CACNA2D3: variants seen among roughly 807,000 people sequenced by gnomAD.
The protein encoded by CACNA2D3 is voltage-dependent calcium channel subunit alpha-2/delta-3.
In CACNA2D3, 60 loss-of-function variants were observed where a neutral mutation model predicts 160.6. The ratio of observed to expected loss-of-function variants is 0.37; its 90% CI spans 0.30 to 0.46. CACNA2D3 has a LOEUF of 0.46. Among genes scored for constraint, CACNA2D3 ranks in the 20% least tolerant of loss-of-function variants. CACNA2D3 has a pLI of 1.00. For synonymous variants in CACNA2D3, 558 were observed against 492.9 expected, an observed-to-expected ratio of 1.13 and a Z score of -1.75; for missense variants, 1,205 against 1,365.0, an observed-to-expected ratio of 0.88 and a Z score of 1.85.
chr3:54,465,903 A>C (rs1700615295), intron 4 of CACNA2D3, among the ~76,000 whole-genome samples: 1 of 152,296 alleles, frequency 6.6e-6, no homozygotes, highest in South Asian at 2.1e-4. Context: ...AGATCTGGAA[A>C]GATTGACTTC....
In CACNA2D3 at chr3:55,018,332, C is replaced by G. The variant is rs746607215; in HGVS notation, c.2987+15C>G. On this transcript the variant is annotated intron_variant, in intron 35 of 37. Transcript: ENST00000474759. ...GACTGCTCCAAGTAAGCCATCCCCCCACCCTCTAACCCCCTACACCTTTCT... is the reference window on the plus strand; with the variant it reads ...GACTGCTCCAAGTAAGCCATCCCCCGACCCTCTAACCCCCTACACCTTTCT... 13 of 1,487,534 alleles carry G rather than the reference C, an allele frequency of 8.7e-6. No homozygotes were observed. Among genetic ancestry groups the G allele is most frequent in the African/African-American group, 2.8e-5 (2 of 72,576 alleles). The allele number at this position is 1,487,534 out of a possible 1,614,324, so 92.1% of individuals were successfully genotyped here.
At chr3:54,694,382 A>G (rs944734121) in intron 11 of CACNA2D3, among the ~76,000 whole-genome samples, 1 of 152,350 alleles carries the variant, frequency 6.6e-6, no homozygotes, top group Non-Finnish European at 1.5e-5. Context: ...CAACAACCAA[A>G]TCTTGTAATA....
At chr3:54,232,690 C>T (rs1381709444) in intron 2 of CACNA2D3, among the ~76,000 whole-genome samples, 3 of 152,100 alleles carry the variant, frequency 2.0e-5, no homozygotes, top group African/African-American at 7.2e-5. Context: ...TAAGTCTTTC[C>T]CTAATATTGG....
chr3:54,555,285 G>C (rs1702225876), intron 5 of CACNA2D3, among the ~76,000 whole-genome samples: 1 of 152,104 alleles, frequency 6.6e-6, no homozygotes, highest in African/African-American at 2.4e-5. Context: ...CCATTAATTT[G>C]CTTGGATCTA....
At chr3:54,599,577 C>T (rs765141424) in intron 9 of CACNA2D3, among the ~76,000 whole-genome samples, 3 of 151,780 alleles carry the variant, frequency 2.0e-5, no homozygotes, top group Admixed American at 6.6e-5. Context: ...CGGTGCTTCA[C>T]GTAAATAAAT....
chr3:54,508,741 C>T (rs1441379053), intron 5 of CACNA2D3, among the ~76,000 whole-genome samples: 1 of 152,146 alleles, frequency 6.6e-6, no homozygotes, highest in African/African-American at 2.4e-5. Flanking sequence ...CGCTTTCATC[C>T]TCTAGACTTC....
chr3:54,880,014 G>A (rs972541799), intron 20 of CACNA2D3, among the ~76,000 whole-genome samples: 1 of 152,184 alleles, frequency 6.6e-6, no homozygotes, highest in Non-Finnish European at 1.5e-5. Flanking sequence ...ATTTCAGTAA[G>A]CCTGCTTCAT....
At chr3:55,045,299 C>G (rs1456323208) in intron 35 of CACNA2D3, among the ~76,000 whole-genome samples, 3 of 152,196 alleles carry the variant, frequency 2.0e-5, no homozygotes, top group Non-Finnish European at 2.9e-5. Flanking sequence ...ATCCACCCAC[C>G]TCGGCCTCCC....
chr3:54,386,370 C>T (rs1271666281), intron 3 of CACNA2D3, among the ~76,000 whole-genome samples: 3 of 152,138 alleles, frequency 2.0e-5, no homozygotes, highest in South Asian at 2.1e-4. Flanking sequence ...TGACTAAGGG[C>T]GTTCTATACC....
chr3:54,998,530 A>G (rs1387149234), intron 31 of CACNA2D3, among the ~76,000 whole-genome samples: 2 of 152,118 alleles, frequency 1.3e-5, no homozygotes, highest in African/African-American at 4.8e-5. Flanking sequence ...TTCTCTTTAT[A>G]TTATCAGCAC....
chr3:54,243,059 CAGTT>C (rs1702001970), intron 2 of CACNA2D3, among the ~76,000 whole-genome samples: 1 of 152,232 alleles, frequency 6.6e-6, no homozygotes, highest in Non-Finnish European at 1.5e-5. Flanking sequence ...CCAGCCTCAA[CAGTT>C]AGCCTCAATT....
chr3:54,624,314 G>A (rs1039641238), intron 9 of CACNA2D3, among the ~76,000 whole-genome samples: 5 of 152,188 alleles, frequency 3.3e-5, no homozygotes, highest in Admixed American at 1.3e-4. Flanking sequence ...TAAATGTTGT[G>A]CAGGTTGTTT....
At chr3:54,933,214 A>G (rs1701247294) in intron 27 of CACNA2D3, among the ~76,000 whole-genome samples, 2 of 152,220 alleles carry the variant, frequency 1.3e-5, no homozygotes, top group African/African-American at 4.8e-5. Flanking sequence ...CAATCCCATT[A>G]ATCATGTATT....
At chr3:54,361,359 A>T (rs910686041) in intron 3 of CACNA2D3, among the ~76,000 whole-genome samples, 4 of 152,186 alleles carry the variant, frequency 2.6e-5, no homozygotes, top group African/African-American at 9.7e-5. Flanking sequence ...TAACATTGCC[A>T]GCATGATCTG....
chr3:54,584,023 A>G (rs1347511818), intron 9 of CACNA2D3, among the ~76,000 whole-genome samples: 3 of 152,152 alleles, frequency 2.0e-5, no homozygotes, highest in Non-Finnish European at 4.4e-5. Context: ...CCAATCCTAC[A>G]TGGTTTCAGT....
At chr3:54,823,811 T>C (rs1164127754) in intron 14 of CACNA2D3, among the ~76,000 whole-genome samples, 3 of 152,232 alleles carry the variant, frequency 2.0e-5, no homozygotes, top group African/African-American at 7.2e-5. Context: ...TATTTAATAG[T>C]GGCTATTTCC....
In CACNA2D3 at chr3:54,451,229, C is replaced by CTTTTTTTTTTTTTTTTTT. The variant is rs71074970; in HGVS notation, c.382-52248_382-52231dup. The stretch of plus-strand genomic sequence containing the variant: ...TGTCCCTTTCTGCTGATATAATAAT[C>CTTTTTTTTTTTTTTTTTT]TTTTTTTTTTTTTTTTTTTTTTTTT... On this transcript the variant is annotated intron_variant, in intron 4 of 37. Transcript: ENST00000474759. 1.2e-4 allele frequency among the ~76,000 whole-genome samples: 6 copies of CTTTTTTTTTTTTTTTTTT among 51,732 alleles called. 1 individual carries two copies. Among genetic ancestry groups the CTTTTTTTTTTTTTTTTTT allele is most frequent in the African/African-American group, 2.6e-4 (3 of 11,594 alleles). 33.9% of individuals were successfully genotyped at this position (51,732 alleles called of 152,430 possible). A position where few individuals can be genotyped will look rare whatever the true frequency, so the allele number is the denominator to read the frequency against.
chr3:54,700,767 C>T (rs961527035), intron 11 of CACNA2D3, among the ~76,000 whole-genome samples: 19 of 152,164 alleles, frequency 1.2e-4, no homozygotes, highest in Middle Eastern at 3.2e-3. Flanking sequence ...AAAGTGCTTT[C>T]CAGGAGTTGC....
rs142588941 is a variant in CACNA2D3, at chr3:54,581,981, T to C, written c.963+104T>C. The C allele has an allele frequency of 1.5e-4, 133 of 876,732 alleles. 2 individuals are homozygous for C. The Middle Eastern group carries it at 2.2e-3, about 15-fold the overall frequency. The allele number at this position is 876,732 out of a possible 1,614,324, so 54.3% of individuals were successfully genotyped here. ...TCTTATCAAATGCACTGCCCTTTCA[T>C]TGAGGCCCTTGGAGCCCCCATGTGT... On this transcript the variant is annotated intron_variant, in intron 9 of 37. Coordinates refer to ENST00000474759, the MANE Select transcript of CACNA2D3 (RefSeq NM_018398.3).
Sources: gnomAD v4.1 joint callset for allele counts (sites outside exome capture counted in the v4.1 genomes callset) on GRCh38, gnomAD v4.1.1 for gene constraint, MANE v1.5 for transcripts, NCBI Gene and HGNC (gene_info 2026-07-23, HGNC 2026-07-21) for gene names.